DZANK1: variants seen among roughly 807,000 people sequenced by gnomAD.
The protein encoded by DZANK1 is double zinc ribbon and ankyrin repeat domains 1.
A neutral mutation model predicts 94.5 loss-of-function variants in DZANK1; 91 were observed. That is an observed-to-expected ratio of 0.96 (90% CI 0.81 to 1.15). DZANK1 has a LOEUF of 1.15. Ranked by LOEUF, DZANK1 falls within the 50% of genes most tolerant of loss-of-function variation. DZANK1 has a pLI of 0.00. For missense variants in DZANK1, 903 were observed against 916.4 expected, an observed-to-expected ratio of 0.99 and a Z score of 0.19; for synonymous variants, 312 against 325.3, an observed-to-expected ratio of 0.96 and a Z score of 0.44.
At chr20:18,449,090 A>T (rs368700059) in intron 6 of DZANK1, 21 bp from the exon 7 acceptor site, 1 of 1,594,268 alleles carries the variant, frequency 6.3e-7, no homozygotes, top group Non-Finnish European at 8.6e-7. Context: ...GAATATAGGT[A>T]TAAAGACAGA....
At chr20:18,462,541 CA>C (rs1185407289) in intron 2 of DZANK1, among the ~76,000 whole-genome samples, 1 of 152,086 alleles carries the variant, frequency 6.6e-6, no homozygotes, top group African/African-American at 2.4e-5. Flanking sequence ...AGATGCAAAT[CA>C]AAACCACAGT....
At chr20:18,455,170 AG>A in intron 4 of DZANK1, 76 bp downstream of exon 4, 1 of 1,085,552 alleles carries the variant, frequency 9.2e-7, no homozygotes, top group South Asian at 1.4e-5. Context: ...AGGTAATAAA[AG>A]GCAAGATCTG....
chr20:18,405,893 GCA>G (rs1242768171), intron 13 of DZANK1, among the ~76,000 whole-genome samples: 5 of 152,240 alleles, frequency 3.3e-5, no homozygotes, highest in African/African-American at 9.6e-5. Context: ...GGGAGGGAGA[GCA>G]CAGTGACTGG....
intron 17 of DZANK1, 87 bp downstream of exon 17, chr20:18,393,624 A>T: frequency 1.2e-6 from 1 of 843,680 alleles, no homozygotes; most frequent in Non-Finnish European, 1.9e-6. Flanking sequence ...ATGAGAAATT[A>T]TTCTTCCATT....
chr20:18,398,460 A>G lies in DZANK1; in HGVS notation c.1536+63T>C, dbSNP rs932481933. 12 of 1,499,838 alleles carry G rather than the reference A, an allele frequency of 8.0e-6. No homozygotes were observed. In the South Asian group the frequency reaches 1.1e-4, roughly 14 times the overall value. The allele number at this position is 1,499,838 out of a possible 1,614,324, so 92.9% of individuals were successfully genotyped here. On this transcript the variant is annotated intron_variant, in intron 14 of 20. Coordinates refer to ENST00000262547, the Ensembl canonical transcript of DZANK1. ...CAAGATGCAGTTTCAGGCAAAGTCC[A>G]TGGAGGGTTCCTTCAGCCTGATCCC...
At chr20:18,434,698 G>C (rs1453514902) in intron 8 of DZANK1, among the ~76,000 whole-genome samples, 2 of 152,170 alleles carry the variant, frequency 1.3e-5, no homozygotes. Flanking sequence ...GCTCTGGGTG[G>C]TTGTTGCCTG....
chr20:18,460,397 TGATTTAAG>T, intron 2 of DZANK1, 91 bp from the exon 3 acceptor site: 1 of 944,436 alleles, frequency 1.1e-6, no homozygotes. Flanking sequence ...TCTAAGTGTG[TGATTTAAG>T]ATTTAAAGTT....
At chr20:18,427,552 G>A (rs1250760446) in intron 9 of DZANK1, among the ~76,000 whole-genome samples, 1 of 151,816 alleles carries the variant, frequency 6.6e-6, no homozygotes, top group Non-Finnish European at 1.5e-5. Context: ...AAAAGTATTC[G>A]TTTGGTTTTC....
At position 18,436,276 on chromosome 20, in the gene DZANK1, A is replaced by G. The variant is rs538188775; in HGVS notation, c.748-2511T>C. 2.6e-5 allele frequency among the ~76,000 whole-genome samples: 4 copies of G among 152,234 alleles called. No individual in the cohort carries two copies. The South Asian group carries it at 6.2e-4, about 24-fold the overall frequency. ...AATTCAGTCAAAGCCTGGAGTTGAA[A>G]AGTAAAGTAACTGAAATTCTAAAAA... On this transcript the variant is annotated intron_variant, in intron 8 of 20. Coordinates refer to ENST00000262547, the Ensembl canonical transcript of DZANK1.
At chr20:18,427,606 GGTGT>G (rs11474236) in intron 9 of DZANK1, among the ~76,000 whole-genome samples, 417 of 148,438 alleles carry the variant, frequency 2.8e-3, no homozygotes, top group East Asian at 6.2e-3. Flanking sequence ...TGTAAGGTTG[GGTGT>G]GTGTGTGTGT....
At chr20:18,460,073 C>T in intron 3 of DZANK1, 80 bp downstream of exon 3, 1 of 1,093,036 alleles carries the variant, frequency 9.1e-7, no homozygotes, top group Non-Finnish European at 1.2e-6. Context: ...AGCACTGATT[C>T]TGATAGGAAA....
chr20:18,448,182 A>G (rs2148718358), intron 7 of DZANK1, among the ~76,000 whole-genome samples: 1 of 152,368 alleles, frequency 6.6e-6, no homozygotes, highest in East Asian at 1.9e-4. Context: ...GTATATCCAT[A>G]CAATGGACTG....
intron 7 of DZANK1, among the ~76,000 whole-genome samples, 166 bp downstream of exon 7, chr20:18,448,818 A>G (rs1264135872): frequency 6.8e-4 from 102 of 151,028 alleles, no homozygotes; most frequent in Non-Finnish European, 1.3e-3. Flanking sequence ...AGTGAGCCAA[A>G]ACTGCACCAC....
chr20:18,390,491 C>G (rs774129002), intron 17 of DZANK1, 32 bp from the exon 18 acceptor site: 6 of 1,600,342 alleles, frequency 3.7e-6, no homozygotes, highest in Non-Finnish European at 5.1e-6. Context: ...TCATTTCCCC[C>G]ACTTCAAAAT....
rs914300469 is a variant in DZANK1 at position 18,465,836 on chromosome 20, G to T, written c.-19-459C>A. On this transcript the variant is annotated intron_variant, in intron 1 of 20. Transcript: ENST00000262547. ...AATGTTAGTTAGAGCTAACTTTTTTGGGAAAGCTCCGGGTTCACAGCCTTG... is the reference window on the plus strand; with the variant it reads ...AATGTTAGTTAGAGCTAACTTTTTTTGGAAAGCTCCGGGTTCACAGCCTTG... 2.0e-5 allele frequency among the ~76,000 whole-genome samples: 3 copies of T among 152,148 alleles called. No homozygotes were observed. The East Asian group carries it at 5.8e-4, about 29-fold the overall frequency.
intron 2 of DZANK1, among the ~76,000 whole-genome samples, chr20:18,461,678 C>CTAAG (rs1326864283): frequency 4.6e-5 from 7 of 151,174 alleles, no homozygotes; most frequent in Non-Finnish European, 1.0e-4. Flanking sequence ...TAGCTCACTG[C>CTAAG]AACCTCTGCC....
chr20:18,415,509 C>A (rs2057450532), intron 10 of DZANK1, 60 bp from the exon 11 acceptor site: 2 of 1,317,688 alleles, frequency 1.5e-6, no homozygotes, highest in Non-Finnish European at 2.0e-6. Context: ...ATCCCCCTCC[C>A]AATTCAAAAA....
At chr20:18,383,495 G>A (rs531831154) in exon 21 of DZANK1, 7 of 152,208 alleles carry the variant, frequency 4.6e-5, no homozygotes, top group South Asian at 4.2e-4. Flanking sequence ...TAGTAATTAG[G>A]AGCCACTTAC....
intron 17 of DZANK1, among the ~76,000 whole-genome samples, chr20:18,391,057 G>A (rs1245151057): frequency 6.6e-6 from 1 of 152,110 alleles, no homozygotes; most frequent in East Asian, 1.9e-4. Context: ...TTAGCCACGT[G>A]TTAGCTGCCT....
Sources: gnomAD v4.1 joint callset for allele counts (sites outside exome capture counted in the v4.1 genomes callset) on GRCh38, gnomAD v4.1.1 for gene constraint, MANE v1.5 for transcripts, NCBI Gene and HGNC (gene_info 2026-07-23, HGNC 2026-07-21) for gene names.